The following NSD3 variants were observed in gnomAD, a reference collection of about 807,000 sequenced individuals.
NSD3 encodes histone-lysine N-methyltransferase NSD3.
Under a neutral mutation model 160.8 loss-of-function variants are expected in NSD3, and 24 were observed. The ratio of observed to expected loss-of-function variants is 0.15; its 90% CI spans 0.11 to 0.21. NSD3 has a LOEUF of 0.21. Ranked by LOEUF, NSD3 falls within the 10% of genes least tolerant of loss-of-function variation. The pLI is 1.00. For missense variants in NSD3, 1,157 were observed against 1,735.9 expected (o/e 0.67, Z 5.93); for synonymous variants, 520 against 600.0 (o/e 0.87, Z 1.95).
At chr8:38,287,704 G>A (rs1014945392) in intron 19 of NSD3, among the ~76,000 whole-genome samples, 3 of 150,818 alleles carry the variant, frequency 2.0e-5, no homozygotes, top group African/African-American at 7.3e-5. Context: ...CCAGGCTAGA[G>A]TGCGGTGGCA....
At chr8:38,290,322 C>T (rs7837189) in intron 17 of NSD3, among the ~76,000 whole-genome samples, 153 bp downstream of exon 17, 32,353 of 151,962 alleles carry the variant, frequency 0.21, 3,670 homozygotes, top group East Asian at 0.31. Context: ...GTATTTTAAA[C>T]CTGGTTCTAA....
At chr8:38,344,361 T>C (rs1358019043) in intron 2 of NSD3, among the ~76,000 whole-genome samples, 1 of 152,190 alleles carries the variant, frequency 6.6e-6, no homozygotes, top group African/African-American at 2.4e-5. Flanking sequence ...AATCTCCACC[T>C]CCCAGGTTCA....
chr8:38,342,921 G>A (rs908833530), intron 2 of NSD3, among the ~76,000 whole-genome samples: 5 of 151,942 alleles, frequency 3.3e-5, no homozygotes, highest in African/African-American at 9.7e-5. Flanking sequence ...GCCAGGTGCC[G>A]TGGCTCACGC....
intron 12 of NSD3, among the ~76,000 whole-genome samples, chr8:38,308,305 T>G (rs756421143): frequency 1.6e-4 from 24 of 151,672 alleles, no homozygotes; most frequent in Non-Finnish European, 2.9e-4. Flanking sequence ...GTAAGGTGGG[T>G]TTTTTTTGGT....
At chr8:38,379,005 A>C (rs760686437) in intron 1 of NSD3, among the ~76,000 whole-genome samples, 2 of 152,128 alleles carry the variant, frequency 1.3e-5, no homozygotes, top group Non-Finnish European at 2.9e-5. Context: ...TTGACAGTTC[A>C]CTCAACAATC....
intron 17 of NSD3, among the ~76,000 whole-genome samples, chr8:38,289,994 T>C (rs1444402335): frequency 6.6e-6 from 1 of 152,120 alleles, no homozygotes; most frequent in African/African-American, 2.4e-5. Flanking sequence ...GGTGGGCAGA[T>C]CGCTTGAACC....
rs1808426107 is a variant in NSD3, at chr8:38,270,627, T to C, written c.*5014A>G. The C allele has an allele frequency of 6.6e-6, 1 of 152,262 alleles. No homozygotes were observed. Among genetic ancestry groups the C allele is most frequent in the Admixed American group, 6.5e-5 (1 of 15,292 alleles). 9.4% of individuals were successfully genotyped at this position (152,262 alleles called of 1,614,324 possible). On this transcript the variant is annotated 3_prime_UTR_variant, in exon 24 of 24. Coordinates refer to ENST00000317025, the MANE Select transcript of NSD3 (RefSeq NM_023034.2). ...TATTCAATACCTTATATAGGTCATCTGACAGATACTTGAGGGCTGTTTGCA... is the reference window on the plus strand; with the variant it reads ...TATTCAATACCTTATATAGGTCATCCGACAGATACTTGAGGGCTGTTTGCA...
At chr8:38,287,733 ACCTCCACCT>A (rs1158004022) in intron 19 of NSD3, among the ~76,000 whole-genome samples, 2 of 151,116 alleles carry the variant, frequency 1.3e-5, no homozygotes, top group Non-Finnish European at 2.9e-5. Flanking sequence ...ACTCACTGCA[ACCTCCACCT>A]CCAGGGTTCA....
chr8:38,344,453 T>C (rs1810463890), intron 2 of NSD3, among the ~76,000 whole-genome samples: 1 of 152,092 alleles, frequency 6.6e-6, no homozygotes, highest in Non-Finnish European at 1.5e-5. Context: ...TAAATATTTT[T>C]AGTAGAGATG....
chr8:38,335,780 ATTTC>A (rs1009669764), intron 4 of NSD3, among the ~76,000 whole-genome samples: 7 of 152,276 alleles, frequency 4.6e-5, no homozygotes, highest in African/African-American at 1.4e-4. Flanking sequence ...TGAAATTAAG[ATTTC>A]TTTGAGATTC....
At chr8:38,292,618 TA>T (rs556060710) in intron 16 of NSD3, among the ~76,000 whole-genome samples, 269 of 142,426 alleles carry the variant, frequency 1.9e-3, no homozygotes, top group Middle Eastern at 7.3e-3. Context: ...CCATCTCTAC[TA>T]AAAAAAAAAA....
chr8:38,358,536 G>A (rs1308209521), intron 1 of NSD3, among the ~76,000 whole-genome samples: 1 of 152,044 alleles, frequency 6.6e-6, no homozygotes, highest in African/African-American at 2.4e-5. Flanking sequence ...AATTTATGCA[G>A]CAAAAACATT....
chr8:38,313,309 A>C (rs530246517), intron 12 of NSD3, among the ~76,000 whole-genome samples: 2 of 152,310 alleles, frequency 1.3e-5, no homozygotes, highest in East Asian at 3.9e-4. Context: ...ACCATGGTAA[A>C]GAAAAAATAA....
At chr8:38,297,819 C>T (rs1809190195) in intron 15 of NSD3, among the ~76,000 whole-genome samples, 1 of 151,878 alleles carries the variant, frequency 6.6e-6, no homozygotes, top group Admixed American at 6.6e-5. Flanking sequence ...TGAGATTATT[C>T]ATTTTTTTTT....
chr8:38,354,160 G>T (rs1238433143), intron 1 of NSD3, among the ~76,000 whole-genome samples: 1 of 152,124 alleles, frequency 6.6e-6, no homozygotes, highest in Non-Finnish European at 1.5e-5. Context: ...AGCAAATCTC[G>T]CATTTTCTTC....
rs181221781 is a variant in NSD3, at chr8:38,360,899, A to G, written c.-44-12684T>C. 4.1e-4 allele frequency among the ~76,000 whole-genome samples: 63 copies of G among 152,380 alleles called. No homozygotes were observed. In the East Asian group the frequency reaches 0.012, roughly 28 times the overall value. On this transcript the variant is annotated intron_variant, in intron 1 of 23. Transcript: ENST00000317025. The stretch of plus-strand genomic sequence containing the variant: ...AAAACAAAGTAGTCTAGCTCCATCT[A>G]TATATAATAAACTCAAGATGTATCA...
chr8:38,373,209 G>C (rs780915545), intron 1 of NSD3, among the ~76,000 whole-genome samples: 7 of 151,986 alleles, frequency 4.6e-5, no homozygotes, highest in Non-Finnish European at 7.4e-5. Flanking sequence ...CTGGGTGATA[G>C]TTACCCGATG....
rs1050649648 is a variant in NSD3 at position 38,338,473 on chromosome 8, A to T, written c.747+63T>A. ...TACCAATACAATTGTGTTGCAATTC[A>T]ATCACTGTGTTTCACCTTCTTCCAC... On this transcript the variant is annotated intron_variant, in intron 3 of 23. Coordinates refer to ENST00000317025, the MANE Select transcript of NSD3 (RefSeq NM_023034.2). 6.8e-6 allele frequency: 9 copies of T among 1,322,528 alleles called. No homozygotes were observed. In the African/African-American group the frequency reaches 7.2e-5, roughly 11 times the overall value. 81.9% of individuals were successfully genotyped at this position (1,322,528 alleles called of 1,614,324 possible).
chr8:38,361,516 G>C (rs368445970), intron 1 of NSD3, among the ~76,000 whole-genome samples: 1 of 151,266 alleles, frequency 6.6e-6, no homozygotes, highest in African/African-American at 2.4e-5. Flanking sequence ...AGCACTTTGG[G>C]AGGCCGAGGC....
Sources: allele counts gnomAD v4.1 joint callset (sites outside exome capture counted in the v4.1 genomes callset), GRCh38; gene constraint gnomAD v4.1.1; transcripts MANE v1.5; gene names NCBI Gene and HGNC (gene_info 2026-07-23, HGNC 2026-07-21).